Variants in PRKACB observed in about 807,000 individuals in gnomAD.
PRKACB encodes the protein cAMP-dependent protein kinase catalytic subunit beta.
A neutral mutation model predicts 51.4 loss-of-function variants in PRKACB; 16 were observed. That is an observed-to-expected ratio of 0.31 (90% CI 0.21 to 0.47). PRKACB has a LOEUF of 0.47. PRKACB is among the 20% of genes least tolerant of loss of function. PRKACB has a pLI of 1.00. For missense variants in PRKACB, 309 were observed against 464.5 expected (o/e 0.67, Z 3.08); for synonymous variants, 147 against 154.4 (o/e 0.95, Z 0.35).
At chr1:84,155,106 A>G (rs886920055) in intron 1 of PRKACB, among the ~76,000 whole-genome samples, 1 of 152,176 alleles carries the variant, frequency 6.6e-6, no homozygotes, top group African/African-American at 2.4e-5. Flanking sequence ...TACATGTGCA[A>G]ATGATATTAT....
upstream of PRKACB, among the ~76,000 whole-genome samples, chr1:84,141,537 T>G (rs1047241531): frequency 6.6e-5 from 10 of 152,096 alleles, no homozygotes; most frequent in Admixed American, 5.9e-4. Context: ...ATTGAAACAA[T>G]TTTATTTTTA....
chr1:84,232,695 T>C (rs1479136295), intron 9 of PRKACB, among the ~76,000 whole-genome samples: 3 of 152,186 alleles, frequency 2.0e-5, no homozygotes, highest in Admixed American at 6.5e-5. Context: ...TTGATCTTTG[T>C]TGGTTTAAAG....
At chr1:84,201,215 T>C (rs1485731614) in intron 7 of PRKACB, among the ~76,000 whole-genome samples, 1 of 152,100 alleles carries the variant, frequency 6.6e-6, no homozygotes, top group African/African-American at 2.4e-5. Context: ...TATCACTGGG[T>C]ATACTCATTT....
chr1:84,132,077 C>G (rs1295600761), intron 1 of PRKACB, among the ~76,000 whole-genome samples: 1 of 152,156 alleles, frequency 6.6e-6, no homozygotes, highest in East Asian at 1.9e-4. Flanking sequence ...TCTAGCCTTC[C>G]TGTGTCGGTT....
At chr1:84,230,372 C>G (rs1446309607) in intron 9 of PRKACB, among the ~76,000 whole-genome samples, 3 of 152,160 alleles carry the variant, frequency 2.0e-5, no homozygotes, top group Non-Finnish European at 4.4e-5. Flanking sequence ...AGTGAGATGC[C>G]TCCAGCTTTG....
At chr1:84,107,447 T>C (rs1471859176) in intron 1 of PRKACB, among the ~76,000 whole-genome samples, 1 of 151,900 alleles carries the variant, frequency 6.6e-6, no homozygotes, top group African/African-American at 2.4e-5. Flanking sequence ...ATAACGAAAA[T>C]GGCACAAGCA....
In PRKACB at chr1:84,181,823, G is replaced by C. The variant is rs1663604170; in HGVS notation, c.250-377G>C. 19 of 807,280 alleles carry C rather than the reference G, an allele frequency of 2.4e-5. 1 individual carries two copies. The South Asian group carries it at 4.4e-4, about 19-fold the overall frequency. 50.0% of individuals were successfully genotyped at this position (807,280 alleles called of 1,614,324 possible). On this transcript the variant is annotated intron_variant, in intron 2 of 9. Coordinates refer to ENST00000370685, the MANE Select transcript of PRKACB (RefSeq NM_182948.4). ...GTCTGTATGGCTTCTATGACTCTTT[G>C]TCAGTATGCCTCTGGTCAGTTTGTA...
At chr1:84,164,542 G>T (rs1196585979) in intron 1 of PRKACB, 2 of 1,435,202 alleles carry the variant, frequency 1.4e-6, no homozygotes, top group African/African-American at 1.4e-5. Context: ...AAATAAAAAG[G>T]TATTTTATTT....
chr1:84,081,649 T>C (rs2100737417), intron 1 of PRKACB, among the ~76,000 whole-genome samples: 1 of 152,294 alleles, frequency 6.6e-6, no homozygotes, highest in Non-Finnish European at 1.5e-5. Context: ...CTCTTCCTTT[T>C]ACACCAGCCC....
intron 1 of PRKACB, among the ~76,000 whole-genome samples, chr1:84,108,381 A>T (rs1410714657): frequency 6.6e-6 from 1 of 151,872 alleles, no homozygotes; most frequent in Non-Finnish European, 1.5e-5. Flanking sequence ...AGAAAAAGAA[A>T]AACTATTGGG....
chr1:84,119,951 A>C (rs923132703), intron 1 of PRKACB, among the ~76,000 whole-genome samples: 4 of 152,040 alleles, frequency 2.6e-5, no homozygotes, highest in African/African-American at 9.7e-5. Context: ...CTCTGTTTTT[A>C]TACTCAATAT....
At chr1:84,124,677 T>G (rs1651406831) in intron 1 of PRKACB, among the ~76,000 whole-genome samples, 1 of 152,214 alleles carries the variant, frequency 6.6e-6, no homozygotes. Flanking sequence ...AGGGTTCTCA[T>G]GTGAGTGAAA....
At chr1:84,079,511 A>G (rs995049320) in intron 1 of PRKACB, among the ~76,000 whole-genome samples, 2 of 152,214 alleles carry the variant, frequency 1.3e-5, no homozygotes, top group Non-Finnish European at 2.9e-5. Context: ...TAACATAAAT[A>G]TATCAGATTA....
chr1:84,081,850 T>C (rs957495687), intron 1 of PRKACB, among the ~76,000 whole-genome samples: 5 of 152,216 alleles, frequency 3.3e-5, no homozygotes, highest in African/African-American at 1.2e-4. Context: ...CTTTCATGAC[T>C]GCAAGTCGTA....
chr1:84,204,205 C>T (rs966829510), intron 8 of PRKACB, among the ~76,000 whole-genome samples: 4 of 148,424 alleles, frequency 2.7e-5, no homozygotes, highest in Admixed American at 1.3e-4. Context: ...TATTTTGCCA[C>T]GTTTTATGTA....
At position 84,123,935 on chromosome 1, in the gene PRKACB, A is replaced by C. The variant is rs1352453973; in HGVS notation, c.46+45564A>C. Among the ~76,000 whole-genome samples the C allele has an allele frequency of 6.6e-5, 10 of 152,138 alleles. No individual in the cohort carries two copies. The East Asian group carries it at 1.9e-3, about 29-fold the overall frequency. The stretch of plus-strand genomic sequence containing the variant: ...TTTACACTCAATAATATTAAATTAA[A>C]AGAGAGAAATTGAAGACTGGAAATG... On this transcript the variant is annotated intron_variant, in intron 1 of 8. Coordinates refer to the PRKACB transcript ENST00000370688.
intron 1 of PRKACB, chr1:84,078,409 G>C (rs1647253600): frequency 1.9e-6 from 3 of 1,602,084 alleles, no homozygotes; most frequent in Non-Finnish European, 2.6e-6. Flanking sequence ...CGCTGGGCGG[G>C]CCGGCGCGGG....
chr1:84,132,149 T>C (rs574120839), intron 1 of PRKACB, among the ~76,000 whole-genome samples: 50 of 152,074 alleles, frequency 3.3e-4, no homozygotes, highest in Middle Eastern at 3.4e-3. Context: ...TCAGAGAAAA[T>C]AGGCAAAGTA....
At chr1:84,168,568 A>G (rs1311439978) in intron 1 of PRKACB, among the ~76,000 whole-genome samples, 2 of 151,586 alleles carry the variant, frequency 1.3e-5, no homozygotes, top group Non-Finnish European at 3.0e-5. Flanking sequence ...ATTCTGACTG[A>G]AAATACTGTG....
Sources: allele counts gnomAD v4.1 joint callset (sites outside exome capture counted in the v4.1 genomes callset), GRCh38; gene constraint gnomAD v4.1.1; transcripts MANE v1.5; gene names NCBI Gene and HGNC (gene_info 2026-07-23, HGNC 2026-07-21).